The following CCDC88A variants were observed in gnomAD, a reference collection of about 807,000 sequenced individuals.
CCDC88A encodes the protein girdin.
A neutral mutation model predicts 234.3 loss-of-function variants in CCDC88A; 54 were observed. That is an observed-to-expected ratio of 0.23 (90% CI 0.19 to 0.29). The LOEUF (loss-of-function observed/expected upper bound fraction) is 0.29, where lower values mean the gene tolerates loss of function less well. Among genes scored for constraint, CCDC88A ranks in the 10% least tolerant of loss-of-function variants. CCDC88A has a pLI of 1.00. For missense variants in CCDC88A, 1,832 were observed against 2,123.4 expected (o/e 0.86, Z 2.70); for synonymous variants, 753 against 737.8 (o/e 1.02, Z -0.33).
Position 55,288,712 on chromosome 2 carries a change from T to TA in CCDC88A, c.*2487dup, listed in dbSNP as rs1242565394. On this transcript the variant is annotated 3_prime_UTR_variant, in exon 33 of 33. Coordinates refer to ENST00000436346, the MANE Select transcript of CCDC88A (RefSeq NM_001365480.1). ...TATTGGAGCTCTGAGCCAAAGCTAT[T>TA]ACCCTGTATATTGATTCTTCAGTTT... 6.6e-6 allele frequency: 1 copy of TA among 152,486 alleles called. No homozygotes were observed. Among genetic ancestry groups the TA allele is most frequent in the Non-Finnish European group, 1.5e-5 (1 of 68,020 alleles). 9.4% of individuals were successfully genotyped at this position (152,486 alleles called of 1,614,324 possible). A position where few individuals can be genotyped will look rare whatever the true frequency, so the allele number is the denominator to read the frequency against.
At chr2:55,379,502 A>G (rs1328111479) in intron 3 of CCDC88A, among the ~76,000 whole-genome samples, 1 of 152,254 alleles carries the variant, frequency 6.6e-6, no homozygotes, top group African/African-American at 2.4e-5. Context: ...ATTATCTGCC[A>G]GACATTCTAG....
chr2:55,310,232 A>T (rs1469166244), intron 23 of CCDC88A, among the ~76,000 whole-genome samples: 1 of 152,206 alleles, frequency 6.6e-6, no homozygotes, highest in Non-Finnish European at 1.5e-5. Context: ...ACAAAGTGGT[A>T]AGAAATCTTG....
intron 29 of CCDC88A, among the ~76,000 whole-genome samples, 169 bp downstream of exon 29, chr2:55,299,670 T>A (rs895386330): frequency 2.0e-5 from 3 of 152,216 alleles, no homozygotes; most frequent in Admixed American, 2.0e-4. Flanking sequence ...TTTGTATACA[T>A]TGAAATACAT....
intron 32 of CCDC88A, 81 bp downstream of exon 32, chr2:55,291,595 A>T: frequency 1.8e-6 from 1 of 568,142 alleles, no homozygotes. Context: ...TGTTAATGCA[A>T]TGTGCACTTG....
At chr2:55,399,601 G>C (rs1025650257) in intron 2 of CCDC88A, 2 of 150,284 alleles carry the variant, frequency 1.3e-5, no homozygotes, top group African/African-American at 2.4e-5. Context: ...GAGAATTTTT[G>C]TTTGTCACTG....
chr2:55,375,295 T>C (rs1056593445), intron 3 of CCDC88A, among the ~76,000 whole-genome samples: 2 of 151,936 alleles, frequency 1.3e-5, no homozygotes, highest in Admixed American at 6.6e-5. Context: ...AATTATTATT[T>C]GGAAATCTGA....
chr2:55,344,023 T>C (rs1558706944), intron 11 of CCDC88A: 1 of 413,522 alleles, frequency 2.4e-6, no homozygotes, highest in Non-Finnish European at 4.2e-6. Flanking sequence ...TTCTTCTTCA[T>C]AGTCAACATA....
At chr2:55,417,724 C>T (rs1681718275) in intron 2 of CCDC88A, 1 of 151,850 alleles carries the variant, frequency 6.6e-6, no homozygotes, top group South Asian at 2.1e-4. Context: ...GAAGTTAACA[C>T]GAGAGCAATT....
Position 55,295,673 on chromosome 2 carries a change from C to A in CCDC88A, c.5475G>T (p.Leu1825Phe), listed in dbSNP as rs757813114. 5 of 1,614,044 alleles carry A rather than the reference C, an allele frequency of 3.1e-6. No homozygotes were observed. The highest frequency in any genetic ancestry group is 2.2e-5 in the East Asian group (1 of 44,902). The change falls in exon 31 of 33, where the codon TTG becomes TTT. Residue 1825 changes from leucine (L) to phenylalanine (F), a missense_variant. Coordinates refer to ENST00000436346, the MANE Select transcript of CCDC88A (RefSeq NM_001365480.1). ...ATATAGGCAGTCTACTGTCCTTGGT[C>A]AAAAAATCATGGATGCTTGTCCTTC... ...TTRRTSIHDF[L>F]TKDSRLPISV...
At chr2:55,375,920 T>C (rs1673600068) in intron 3 of CCDC88A, among the ~76,000 whole-genome samples, 9 of 152,160 alleles carry the variant, frequency 5.9e-5, no homozygotes, top group Admixed American at 5.9e-4. Context: ...AAAAATGCTG[T>C]CTAATGATCA....
intron 7 of CCDC88A, 180 bp from the exon 8 acceptor site, chr2:55,355,931 G>T: frequency 2.2e-6 from 1 of 460,980 alleles, no homozygotes; most frequent in Non-Finnish European, 3.8e-6. Flanking sequence ...TCATGCATGG[G>T]CTACTTAGCA....
At position 55,344,396 on chromosome 2, in the gene CCDC88A, A is replaced by G; in HGVS notation, c.1160T>C (p.Leu387Pro). ...LHELEKENLQ[L>P]KAKLHDMEME... The stretch of plus-strand genomic sequence containing the variant: ...TTCCATATCATGAAGTTTAGCTTTC[A>G]GTTGTAAGTTCTCTTTTTCTAATTC... The change falls in exon 11 of 33, where the codon CTG (leucine) becomes CCG (proline). Residue 387 changes from leucine (L) to proline (P), a missense_variant. Around this residue, in one of 6 missense-constraint regions of CCDC88A, gnomAD observed 1,282 missense variants for 1,543.6 expected, o/e 0.83. Transcript: ENST00000436346. 6.3e-7 allele frequency: 1 copy of G among 1,591,352 alleles called. No individual in the cohort carries two copies.
intron 21 of CCDC88A, among the ~76,000 whole-genome samples, 186 bp from the exon 22 acceptor site, chr2:55,316,300 A>G (rs940948085): frequency 6.6e-6 from 1 of 152,202 alleles, no homozygotes; most frequent in African/African-American, 2.4e-5. Context: ...AATTCTGAGT[A>G]CCTTTCCCTT....
At chr2:55,301,342 T>C (rs1196995238) in intron 27 of CCDC88A, 65 bp from the exon 28 acceptor site, 1 of 832,946 alleles carries the variant, frequency 1.2e-6, no homozygotes, top group East Asian at 2.8e-5. Flanking sequence ...TAAAATTTTA[T>C]TTACATAGAA....
chr2:55,294,675 G>T, intron 31 of CCDC88A: 1 of 991,794 alleles, frequency 1.0e-6, no homozygotes, highest in East Asian at 1.1e-4. Flanking sequence ...GGGAGGAAAT[G>T]AACATTTTTT....
intron 19 of CCDC88A, among the ~76,000 whole-genome samples, chr2:55,318,258 T>A (rs920675029): frequency 1.2e-4 from 19 of 152,170 alleles, no homozygotes; most frequent in Non-Finnish European, 1.9e-4. Flanking sequence ...ATTAAATAAG[T>A]ATTTTCTTTA....
At chr2:55,365,979 C>T (rs937394848) in intron 5 of CCDC88A, among the ~76,000 whole-genome samples, 6 of 152,192 alleles carry the variant, frequency 3.9e-5, no homozygotes, top group Non-Finnish European at 2.9e-5. Context: ...TAGCCACATG[C>T]GGCTAGTGGC....
Position 55,413,926 on chromosome 2 carries a change from C to T in CCDC88A, c.164+4890G>A, listed in dbSNP as rs140254584. Reference sequence around the variant, plus strand: ...GTGATCATGCCCCTGCACTCCAGCCCGGGCAACAGAACAAGACCGTCTCAA... The same window carrying T: ...GTGATCATGCCCCTGCACTCCAGCCTGGGCAACAGAACAAGACCGTCTCAA... On this transcript the variant is annotated intron_variant, in intron 2 of 32. Coordinates refer to ENST00000436346, the MANE Select transcript of CCDC88A (RefSeq NM_001365480.1). 6.0e-5 allele frequency among the ~76,000 whole-genome samples: 9 copies of T among 150,766 alleles called. No individual in the cohort carries two copies. The South Asian group carries it at 8.4e-4, about 14-fold the overall frequency.
rs1157653166 is a variant in CCDC88A, at chr2:55,309,932, T to C, written c.4080-678A>G. On this transcript the variant is annotated intron_variant, in intron 23 of 32. Coordinates refer to ENST00000436346, the MANE Select transcript of CCDC88A (RefSeq NM_001365480.1). This position sits in a 1 kb window ranked among gnomAD's most constrained non-coding sequence, Gnocchi z 5.1. ...TGTGTATATATATAAAATGACTATA[T>C]AATCCAAGGTAGTAGCAGTACCAAA... 6.6e-6 allele frequency among the ~76,000 whole-genome samples: 1 copy of C among 152,140 alleles called. No individual in the cohort carries two copies. The highest frequency in any genetic ancestry group is 1.5e-5 in the Non-Finnish European group (1 of 68,012).
Sources: allele counts gnomAD v4.1 joint callset (sites outside exome capture counted in the v4.1 genomes callset), GRCh38; gene constraint gnomAD v4.1.1; regional missense constraint gnomAD v4.1.1; non-coding constraint Gnocchi (gnomAD v3.1); transcripts MANE v1.5; gene names NCBI Gene and HGNC (gene_info 2026-07-23, HGNC 2026-07-21).